Variants in BCAS3 observed in about 807,000 individuals in gnomAD.
BCAS3 encodes BCAS3 microtubule associated cell migration factor, also known as BCAS4/BCAS3 fusion.
In BCAS3, 53 loss-of-function variants were observed where a neutral mutation model predicts 116.1. The ratio of observed to expected loss-of-function variants is 0.46; its 90% CI spans 0.37 to 0.57. The LOEUF (loss-of-function observed/expected upper bound fraction) is 0.57, where lower values mean the gene tolerates loss of function less well. Among genes scored for constraint, BCAS3 ranks in the 20% least tolerant of loss-of-function variants. The pLI is 0.00. For missense variants in BCAS3, 917 were observed against 1,165.4 expected (o/e 0.79, Z 3.10); for synonymous variants, 391 against 408.2 (o/e 0.96, Z 0.51).
At chr17:60,986,177 C>T (rs1368736821) in intron 14 of BCAS3, among the ~76,000 whole-genome samples, 1 of 152,166 alleles carries the variant, frequency 6.6e-6, no homozygotes, top group Non-Finnish European at 1.5e-5. Context: ...ATTATTCTTT[C>T]TTTTTATGGC....
intron 6 of BCAS3, among the ~76,000 whole-genome samples, chr17:60,778,393 C>A (rs1478045578): frequency 6.6e-6 from 1 of 152,022 alleles, no homozygotes; most frequent in Non-Finnish European, 1.5e-5. Context: ...GGAATTCATT[C>A]ATATGCTTGT....
intron 22 of BCAS3, among the ~76,000 whole-genome samples, chr17:61,311,893 C>CA (rs913192001): frequency 6.1e-5 from 8 of 131,128 alleles, no homozygotes; most frequent in East Asian, 4.1e-4. Context: ...GACTCCATCT[C>CA]AAAAAAAAGC....
rs1568598770 is a variant in BCAS3, at chr17:61,218,815, A to AATT, written c.2425+134254_2425+134256dup. ...GTCCCAGCTTTACTTGTACCAGTTT[A>AATT]ATTATCATTGCCGCTTATGTCACCC... is the stretch of plus-strand genomic sequence containing the variant. On this transcript the variant is annotated intron_variant, in intron 22 of 23. Transcript: ENST00000407086. Among the ~76,000 whole-genome samples, 5 of 152,194 alleles carry AATT rather than the reference A, an allele frequency of 3.3e-5. No homozygotes were observed. In the East Asian group the frequency reaches 9.6e-4, roughly 29 times the overall value.
chr17:60,849,298 TCTG>T (rs1435312749), intron 7 of BCAS3, among the ~76,000 whole-genome samples: 4 of 151,788 alleles, frequency 2.6e-5, no homozygotes, highest in Admixed American at 1.3e-4. Context: ...TTTTTTTTAA[TCTG>T]CTGTCTTTTA....
intron 7 of BCAS3, among the ~76,000 whole-genome samples, chr17:60,819,923 T>C (rs2049779513): frequency 6.7e-6 from 1 of 149,640 alleles, no homozygotes; most frequent in Admixed American, 6.7e-5. Flanking sequence ...CCACCATGCC[T>C]GGTTTATTAT....
intron 5 of BCAS3, among the ~76,000 whole-genome samples, chr17:60,714,017 A>G (rs1482405302): frequency 6.6e-6 from 1 of 151,848 alleles, no homozygotes; most frequent in Non-Finnish European, 1.5e-5. Context: ...TATTTTTTTT[A>G]GTAGAGATGG....
chr17:60,823,209 C>A (rs1406180106), intron 7 of BCAS3, among the ~76,000 whole-genome samples: 3 of 152,144 alleles, frequency 2.0e-5, no homozygotes, highest in Non-Finnish European at 4.4e-5. Flanking sequence ...ACTCTTTAAT[C>A]TGTAGTTTGC....
At chr17:61,301,960 G>C (rs2053480052) in intron 22 of BCAS3, among the ~76,000 whole-genome samples, 1 of 152,150 alleles carries the variant, frequency 6.6e-6, no homozygotes. Context: ...TCATATCAAT[G>C]AAAAAGACAT....
chr17:61,105,388 TG>T lies in BCAS3; in HGVS notation c.2425+20825del, dbSNP rs1291843393. 6.6e-6 allele frequency among the ~76,000 whole-genome samples: 1 copy of T among 152,212 alleles called. No homozygotes were observed. The highest frequency in any genetic ancestry group is 2.4e-5 in the African/African-American group (1 of 41,466). ...AGAAAAGCAGACCCATGAAAGGCCA[TG>T]ACTACTATGCTGACACTAGAGGAAA... On this transcript the variant is annotated intron_variant, in intron 22 of 23. Coordinates refer to ENST00000407086, the MANE Select transcript of BCAS3 (RefSeq NM_017679.5). The surrounding 1 kb of genome is among the most constrained non-coding windows in gnomAD (Gnocchi z 4.3).
intron 19 of BCAS3, among the ~76,000 whole-genome samples, chr17:61,057,386 G>A (rs184163279): frequency 5.3e-5 from 8 of 152,322 alleles, no homozygotes; most frequent in African/African-American, 1.9e-4. Flanking sequence ...TCCAGTGTAA[G>A]TTTATATATG....
intron 6 of BCAS3, among the ~76,000 whole-genome samples, chr17:60,768,956 A>T (rs2044379490): frequency 6.6e-6 from 1 of 152,126 alleles, no homozygotes; most frequent in South Asian, 2.1e-4. Context: ...AACCCAAGTG[A>T]TTTATGCTGG....
rs1217159685 is a variant in BCAS3, at chr17:61,084,681, G to A, written c.2425+117G>A. The A allele has an allele frequency of 2.3e-6, 2 of 861,276 alleles. No homozygotes were observed. The highest frequency in any genetic ancestry group is 1.4e-5 in the South Asian group (1 of 69,608). 53.4% of individuals were successfully genotyped at this position (861,276 alleles called of 1,614,324 possible). A position where few individuals can be genotyped will look rare whatever the true frequency, so the allele number is the denominator to read the frequency against. ...TTCCTCTCTGTTTTTTTGTTTTGTG[G>A]TGTGTGTGCATTTTAATACAGTACT... On this transcript the variant is annotated intron_variant, in intron 22 of 23. Coordinates refer to ENST00000407086, the MANE Select transcript of BCAS3 (RefSeq NM_017679.5). The surrounding 1 kb of genome is among the most constrained non-coding windows in gnomAD (Gnocchi z 5.5).
chr17:61,245,019 C>G (rs2047824401), intron 22 of BCAS3, among the ~76,000 whole-genome samples: 1 of 152,148 alleles, frequency 6.6e-6, no homozygotes, highest in Non-Finnish European at 1.5e-5. Flanking sequence ...CATTCTCACG[C>G]TGCTGTAAGG....
At chr17:61,385,438 T>C (rs560959672) in intron 23 of BCAS3, among the ~76,000 whole-genome samples, 1 of 152,352 alleles carries the variant, frequency 6.6e-6, no homozygotes, top group East Asian at 1.9e-4. Context: ...ATATGGTTCA[T>C]TTGCTGAACT....
At chr17:60,940,182 A>G (rs2060150059) in intron 13 of BCAS3, among the ~76,000 whole-genome samples, 2 of 152,230 alleles carry the variant, frequency 1.3e-5, no homozygotes, top group Non-Finnish European at 2.9e-5. Flanking sequence ...ACATGAAACA[A>G]ATAAGGGCAA....
rs76438374 is a variant in BCAS3 at position 60,960,267 on chromosome 17, T to A, written c.1221+12915T>A. 0.073 allele frequency among the ~76,000 whole-genome samples: 11,146 copies of A among 152,036 alleles called. 1,412 individuals are homozygous for A. Among genetic ancestry groups the A allele is most frequent in the African/African-American group, 0.25 (10,511 of 41,340 alleles). On this transcript the variant is annotated intron_variant, in intron 14 of 23. Coordinates refer to ENST00000407086, the MANE Select transcript of BCAS3 (RefSeq NM_017679.5). The surrounding 1 kb of genome is among the most constrained non-coding windows in gnomAD (Gnocchi z 4.1). ...CATCAACTCTAAGTCTAAATTTTTT[T>A]TAAAAATATTATCGGCTCAAAGGTC...
At chr17:60,728,207 C>T (rs892001150) in intron 5 of BCAS3, among the ~76,000 whole-genome samples, 1 of 152,174 alleles carries the variant, frequency 6.6e-6, no homozygotes, top group Non-Finnish European at 1.5e-5. Flanking sequence ...CTGCCCTACA[C>T]ATCCTCTGTT....
chr17:61,289,401 G>A (rs1296993078), intron 22 of BCAS3, among the ~76,000 whole-genome samples: 1 of 152,136 alleles, frequency 6.6e-6, no homozygotes, highest in Non-Finnish European at 1.5e-5. Context: ...TTACCTCCAC[G>A]TACATTACTG....
chr17:60,978,344 G>A (rs1391180999), intron 14 of BCAS3, among the ~76,000 whole-genome samples: 3 of 149,248 alleles, frequency 2.0e-5, no homozygotes, highest in East Asian at 1.9e-4. Context: ...CTTTTTGATG[G>A]GGTTGTTTGT....
Sources: gnomAD v4.1 joint callset for allele counts (sites outside exome capture counted in the v4.1 genomes callset) on GRCh38, gnomAD v4.1.1 for gene constraint, Gnocchi (gnomAD v3.1) non-coding constraint, MANE v1.5 for transcripts, NCBI Gene and HGNC (gene_info 2026-07-23, HGNC 2026-07-21) for gene names.